Variants in KMT2E observed in about 807,000 individuals in gnomAD.
The protein encoded by KMT2E is histone reader KMT2E.
A neutral mutation model predicts 184.6 loss-of-function variants in KMT2E; 30 were observed. That is an observed-to-expected ratio of 0.16 (90% CI 0.12 to 0.22). KMT2E has a LOEUF of 0.22. KMT2E is among the 10% of genes least tolerant of loss of function. KMT2E has a pLI of 1.00. For missense variants in KMT2E, 2,023 were observed against 2,237.4 expected (o/e 0.90, Z 1.93); for synonymous variants, 815 against 776.5 (o/e 1.05, Z -0.82).
intron 1 of KMT2E, among the ~76,000 whole-genome samples, chr7:105,020,939 A>G (rs1794924281): frequency 6.6e-6 from 1 of 152,084 alleles, no homozygotes; most frequent in Admixed American, 6.5e-5. Context: ...AGAAACATAC[A>G]CTCTTCTAAT....
chr7:105,112,963 C>T lies in KMT2E; in HGVS notation c.5207C>T (p.Ala1736Val), dbSNP rs1168292264. 7.4e-6 allele frequency: 12 copies of T among 1,613,886 alleles called. No individual in the cohort carries two copies. Among genetic ancestry groups the T allele is most frequent in the Non-Finnish European group, 1.0e-5 (12 of 1,180,024 alleles). The stretch of plus-strand genomic sequence containing the variant: ...GCTTCTGGGCATCATACCACATCAG[C>T]TCAAGCCTTACACCACCCACCTCAT... ...VLASGHHTTS[A>V]QALHHPPHQG... The change falls in exon 27 of 27, where the codon GCT becomes GTT. Residue 1736 changes from alanine (A) to valine (V), a missense_variant. By Grantham distance (64) the Ala-to-Val change is moderately conservative (BLOSUM62 0). Coordinates refer to ENST00000311117, the MANE Select transcript of KMT2E (RefSeq NM_182931.3).
chr7:105,023,305 G>T (rs552200890), intron 1 of KMT2E, among the ~76,000 whole-genome samples: 1 of 147,464 alleles, frequency 6.8e-6, no homozygotes, highest in African/African-American at 2.5e-5. Flanking sequence ...GGGAGGCTGG[G>T]GCAGGACAAT....
rs1058035 is a variant in KMT2E, at chr7:105,112,663, C to T, written c.4907C>T (p.Pro1636Leu). 1 of 1,614,028 alleles carries T rather than the reference C, an allele frequency of 6.2e-7. No individual in the cohort carries two copies. The highest frequency in any genetic ancestry group is 1.3e-5 in the African/African-American group (1 of 74,978). Residue 1636 changes from proline (P) to leucine (L), a missense_variant, in exon 27 of 27, where the codon CCA becomes CTA. By Grantham distance (98) the Pro-to-Leu change is moderately conservative. This residue lies in a region of KMT2E where 1,108 missense variants were observed against 1,050.9 expected (regional missense o/e 1.05). Transcript: ENST00000311117. ...VPPPPPPPPA[P>L]GPHLVQQPNS... ...CCTCCTCCTCCACCACCACCTGCTCCAGGACCGCACCTTGTACAACAGCCG... is the reference window on the plus strand; with the variant it reads ...CCTCCTCCTCCACCACCACCTGCTCTAGGACCGCACCTTGTACAACAGCCG...
At chr7:105,041,157 A>G (rs1029318827) in intron 3 of KMT2E, 134 bp downstream of exon 3, 9 of 578,152 alleles carry the variant, frequency 1.6e-5, no homozygotes, top group Non-Finnish European at 2.4e-5. Flanking sequence ...AAAAAAAAAA[A>G]GCGAAGTTAC....
chr7:105,029,090 C>T (rs1795292827), intron 1 of KMT2E, among the ~76,000 whole-genome samples: 1 of 152,018 alleles, frequency 6.6e-6, no homozygotes, highest in African/African-American at 2.4e-5. Flanking sequence ...CATAGGGAAA[C>T]CCCGTCTCTA....
At chr7:105,075,707 T>G (rs1797498538) in intron 8 of KMT2E, among the ~76,000 whole-genome samples, 1 of 151,868 alleles carries the variant, frequency 6.6e-6, no homozygotes, top group Admixed American at 6.6e-5. Flanking sequence ...GACAGGATCT[T>G]GCTATGTTGC....
chr7:105,028,084 T>C (rs199621943), intron 1 of KMT2E, among the ~76,000 whole-genome samples: 1 of 73,144 alleles, frequency 1.4e-5, no homozygotes, highest in Non-Finnish European at 3.6e-5. Context: ...TAAATAAATA[T>C]CTACACTGTG....
At chr7:105,028,577 C>T (rs145910612) in intron 1 of KMT2E, among the ~76,000 whole-genome samples, 2 of 152,188 alleles carry the variant, frequency 1.3e-5, no homozygotes, top group East Asian at 3.9e-4. Flanking sequence ...CTGTAACCTC[C>T]ACCTCCCAGG....
At chr7:105,071,739 G>GGT (rs1392420489) in intron 6 of KMT2E, among the ~76,000 whole-genome samples, 3 of 149,082 alleles carry the variant, frequency 2.0e-5, no homozygotes, top group Non-Finnish European at 4.5e-5. Flanking sequence ...TTACAGGCGT[G>GGT]GGCCACCACG....
chr7:105,087,019 C>A (rs1797999812), intron 13 of KMT2E, among the ~76,000 whole-genome samples: 1 of 144,698 alleles, frequency 6.9e-6, no homozygotes. Context: ...AAATATATAG[C>A]ATATAATATA....
At chr7:105,089,061 C>G (rs975935754) in intron 13 of KMT2E, among the ~76,000 whole-genome samples, 8 of 152,102 alleles carry the variant, frequency 5.3e-5, no homozygotes, top group Admixed American at 5.2e-4. Flanking sequence ...TGGTTTCTGC[C>G]TTAATGTTTT....
chr7:105,069,173 G>A (rs567661719), intron 6 of KMT2E, among the ~76,000 whole-genome samples: 1 of 152,220 alleles, frequency 6.6e-6, no homozygotes, highest in East Asian at 1.9e-4. Flanking sequence ...TACTAGATTG[G>A]TCACTGTTCC....
At chr7:105,085,621 C>T (rs1251738376) in intron 13 of KMT2E, among the ~76,000 whole-genome samples, 1 of 152,156 alleles carries the variant, frequency 6.6e-6, no homozygotes, top group Non-Finnish European at 1.5e-5. Flanking sequence ...TCCATTGAAG[C>T]CCCTTAACGT....
rs570435057 is a variant in KMT2E, at chr7:105,047,891, A to G, written c.71+6868A>G. On this transcript the variant is annotated intron_variant, in intron 3 of 26. Transcript: ENST00000311117. ...TGGTTGAAATGGAAGTGAAGGGCTT[A>G]GAACACTTTTAACCCTTCTCCTACC... Among the ~76,000 whole-genome samples the G allele has an allele frequency of 3.3e-5, 5 of 152,378 alleles. No homozygotes were observed. The East Asian group carries it at 9.6e-4, about 29-fold the overall frequency.
chr7:105,105,809 A>G (rs1798873552), intron 18 of KMT2E, 50 bp from the exon 19 acceptor site: 2 of 1,585,400 alleles, frequency 1.3e-6, no homozygotes, highest in Non-Finnish European at 1.7e-6. Flanking sequence ...CAGGCTATAT[A>G]AACAGCTACA....
At chr7:105,100,419 C>T (rs1242238453) in intron 15 of KMT2E, among the ~76,000 whole-genome samples, 1 of 152,128 alleles carries the variant, frequency 6.6e-6, no homozygotes, top group Non-Finnish European at 1.5e-5. Flanking sequence ...CTTTCTTCCT[C>T]ACATCGATGT....
Position 105,101,460 on chromosome 7 carries a change from A to G in KMT2E, c.1758A>G (p.Gln586=), listed in dbSNP as rs1182693330. ...REERKMEAIL[Q]AFARLEKREK... Reference sequence around the variant, plus strand: ...AAAGAAAAATGGAAGCAATTTTGCAAGCTTTTGCCAGACTTGAAAAGAGAG... The same window carrying G: ...AAAGAAAAATGGAAGCAATTTTGCAGGCTTTTGCCAGACTTGAAAAGAGAG... Residue 586 remains glutamine, a synonymous_variant, in exon 16 of 27, where the codon CAA becomes CAG. Coordinates refer to ENST00000311117, the MANE Select transcript of KMT2E (RefSeq NM_182931.3). The G allele has an allele frequency of 6.4e-7, 1 of 1,569,532 alleles. No homozygotes were observed. The highest frequency in any genetic ancestry group is 8.6e-7 in the Non-Finnish European group (1 of 1,165,824).
At chr7:105,022,478 A>G (rs1460587322) in intron 1 of KMT2E, among the ~76,000 whole-genome samples, 1 of 152,040 alleles carries the variant, frequency 6.6e-6, no homozygotes, top group Non-Finnish European at 1.5e-5. Flanking sequence ...CTGGAGGCAT[A>G]TGATGTTTGT....
chr7:105,068,047 T>C (rs1482311433), intron 6 of KMT2E, among the ~76,000 whole-genome samples: 4 of 152,274 alleles, frequency 2.6e-5, no homozygotes, highest in Admixed American at 6.5e-5. Context: ...TGTTATGATA[T>C]TGATTGGTTG....
Sources: gnomAD v4.1 joint callset for allele counts (sites outside exome capture counted in the v4.1 genomes callset) on GRCh38, gnomAD v4.1.1 for gene constraint, gnomAD v4.1.1 regional missense constraint, MANE v1.5 for transcripts, NCBI Gene and HGNC (gene_info 2026-07-23, HGNC 2026-07-21) for gene names.